ADARB2: variants seen among roughly 807,000 people sequenced by gnomAD.
ADARB2 encodes the protein adenosine deaminase RNA specific B2 (inactive), also known as inactive double-stranded RNA-specific editase B2.
Under a neutral mutation model 62.2 loss-of-function variants are expected in ADARB2, and 25 were observed. That is an observed-to-expected ratio of 0.40 (90% CI 0.29 to 0.56). ADARB2 has a LOEUF of 0.56. ADARB2 is among the 20% of genes least tolerant of loss of function. The probability of loss-of-function intolerance (pLI) is 0.43; values close to 1 mark genes in which losing one functional copy is unlikely to be tolerated. For missense variants in ADARB2, 1,071 were observed against 1,077.4 expected (o/e 0.99, Z 0.08); for synonymous variants, 572 against 500.8 (o/e 1.14, Z -1.90).
intron 1 of ADARB2, among the ~76,000 whole-genome samples, chr10:1,443,205 A>AT (rs1204619519): frequency 1.3e-5 from 2 of 151,994 alleles, no homozygotes; most frequent in Non-Finnish European, 2.9e-5. Context: ...TTCAAAGCTT[A>AT]TTTTTCTGTC....
chr10:1,673,574 C>T (rs1378850725), intron 1 of ADARB2, among the ~76,000 whole-genome samples: 1 of 152,134 alleles, frequency 6.6e-6, no homozygotes, highest in East Asian at 1.9e-4. Context: ...GAAGTAGCTG[C>T]GTGGGAGACA....
intron 1 of ADARB2, among the ~76,000 whole-genome samples, chr10:1,548,817 G>A (rs1377642002): frequency 1.3e-5 from 2 of 152,230 alleles, no homozygotes; most frequent in African/African-American, 2.4e-5. Flanking sequence ...GACACCTGGC[G>A]AGTTAGGAAC....
chr10:1,592,100 T>C lies in ADARB2; in HGVS notation c.100+144951A>G, dbSNP rs148860310. On this transcript the variant is annotated intron_variant, in intron 1 of 9. Coordinates refer to ENST00000381312, the MANE Select transcript of ADARB2 (RefSeq NM_018702.4). ...ATCCCTTTAGAGTGAATTCAAGATC[T>C]TGTTTAGGAAGGTTTGGAAGAAGAT... 5.9e-3 allele frequency among the ~76,000 whole-genome samples: 896 copies of C among 152,326 alleles called. 1 individual carries two copies. Among genetic ancestry groups the C allele is most frequent in the Middle Eastern group, 0.02 (6 of 294 alleles).
intron 4 of ADARB2, among the ~76,000 whole-genome samples, chr10:1,264,764 C>T (rs1831178445): frequency 6.6e-6 from 1 of 152,120 alleles, no homozygotes. Flanking sequence ...CCTAGTTGTC[C>T]TGGGCTGTTT....
At chr10:1,189,893 T>A (rs1000713989) in intron 8 of ADARB2, among the ~76,000 whole-genome samples, 1 of 141,844 alleles carries the variant, frequency 7.1e-6, no homozygotes, top group African/African-American at 2.8e-5. Context: ...CACGTGGCGC[T>A]ACCTCCTTCC....
chr10:1,515,636 A>C (rs1306492740), intron 1 of ADARB2, among the ~76,000 whole-genome samples: 1 of 152,198 alleles, frequency 6.6e-6, no homozygotes, highest in Non-Finnish European at 1.5e-5. Context: ...CCACAGTGAG[A>C]GGGTGGACCC....
intron 1 of ADARB2, among the ~76,000 whole-genome samples, chr10:1,521,553 C>T (rs2131951829): frequency 6.6e-6 from 1 of 152,342 alleles, no homozygotes; most frequent in Non-Finnish European, 1.5e-5. Flanking sequence ...CCGGCATTAA[C>T]AGCAACACAG....
chr10:1,457,816 T>A (rs933452442), intron 1 of ADARB2, among the ~76,000 whole-genome samples: 2 of 151,998 alleles, frequency 1.3e-5, no homozygotes, highest in Non-Finnish European at 2.9e-5. Context: ...ACCCTGACAA[T>A]GTCAATGACC....
intron 1 of ADARB2, among the ~76,000 whole-genome samples, chr10:1,465,997 G>A (rs1831250835): frequency 6.6e-6 from 1 of 152,260 alleles, no homozygotes; most frequent in Non-Finnish European, 1.5e-5. Context: ...CTACTGCTGT[G>A]TGTCTCTTTA....
intron 1 of ADARB2, among the ~76,000 whole-genome samples, chr10:1,490,072 A>T (rs115216362): frequency 0.02 from 2,982 of 152,296 alleles, 64 homozygotes; most frequent in South Asian, 0.053. Flanking sequence ...GAGCCTGTGC[A>T]AGATGCTGTC....
intron 1 of ADARB2, among the ~76,000 whole-genome samples, chr10:1,415,286 G>A (rs1390533302): frequency 2.6e-5 from 4 of 151,760 alleles, no homozygotes; most frequent in Non-Finnish European, 5.9e-5. Flanking sequence ...TGGCTGGGTG[G>A]GTATATGACG....
chr10:1,434,683 C>T (rs1830815778), intron 1 of ADARB2, among the ~76,000 whole-genome samples: 1 of 152,144 alleles, frequency 6.6e-6, no homozygotes, highest in Admixed American at 6.5e-5. Context: ...GGGTAATCAC[C>T]CCGGCACCTG....
intron 1 of ADARB2, among the ~76,000 whole-genome samples, chr10:1,489,117 GTC>G (rs968915955): frequency 6.6e-6 from 1 of 152,228 alleles, no homozygotes. Flanking sequence ...GCAGCCAAAT[GTC>G]TCTCAATTTG....
rs560325478 is a variant in ADARB2, at chr10:1,384,240, C to T, written c.101-5080G>A. ...GTGAAGAAGGAGAGCCAGTTCTCTACGCTTCCCGGTCCAAGGACCGTGACT... is the reference window on the plus strand; with the variant it reads ...GTGAAGAAGGAGAGCCAGTTCTCTATGCTTCCCGGTCCAAGGACCGTGACT... On this transcript the variant is annotated intron_variant, in intron 1 of 9. Transcript: ENST00000381312. Among the ~76,000 whole-genome samples the T allele has an allele frequency of 5.9e-5, 9 of 152,326 alleles. No homozygotes were observed. In the South Asian group the frequency reaches 1.0e-3, roughly 18 times the overall value.
chr10:1,660,601 G>A (rs929869713), intron 1 of ADARB2, among the ~76,000 whole-genome samples: 4 of 152,112 alleles, frequency 2.6e-5, no homozygotes, highest in African/African-American at 9.7e-5. Flanking sequence ...CCAGAAAAAG[G>A]GTGGATTTGT....
chr10:1,521,944 G>A (rs1832079270), intron 1 of ADARB2, among the ~76,000 whole-genome samples: 2 of 152,168 alleles, frequency 1.3e-5, no homozygotes, highest in African/African-American at 2.4e-5. Context: ...AGGATCTCCT[G>A]AGGGCTGTGT....
intron 1 of ADARB2, among the ~76,000 whole-genome samples, chr10:1,511,972 T>C (rs1831942323): frequency 6.6e-6 from 1 of 151,754 alleles, no homozygotes; most frequent in African/African-American, 2.4e-5. Context: ...TGATGCTGTC[T>C]ACATTGGATA....
Position 1,430,861 on chromosome 10 carries a change from A to G in ADARB2, c.101-51701T>C, listed in dbSNP as rs142123280. 2.6e-3 allele frequency among the ~76,000 whole-genome samples: 395 copies of G among 152,380 alleles called. 3 individuals are homozygous for G. Among genetic ancestry groups the G allele is most frequent in the Middle Eastern group, 0.024 (7 of 294 alleles). ...AAAAGGATCAATCCACTGGGAAGAC[A>G]TAACTATCCTAAATTTAGTGCATGT... is the stretch of plus-strand genomic sequence containing the variant. On this transcript the variant is annotated intron_variant, in intron 1 of 9. Transcript: ENST00000381312.
intron 1 of ADARB2, among the ~76,000 whole-genome samples, chr10:1,401,949 G>T (rs1288150673): frequency 6.6e-6 from 1 of 152,194 alleles, no homozygotes; most frequent in East Asian, 1.9e-4. Context: ...GCTTCCCGGG[G>T]CTTGTAATGC....
Sources: gnomAD v4.1 joint callset for allele counts (sites outside exome capture counted in the v4.1 genomes callset) on GRCh38, gnomAD v4.1.1 for gene constraint, MANE v1.5 for transcripts, NCBI Gene and HGNC (gene_info 2026-07-23, HGNC 2026-07-21) for gene names.